The following LPP variants were observed in gnomAD, a reference collection of about 807,000 sequenced individuals.
LPP encodes LIM domain containing preferred translocation partner in lipoma, also known as lipoma-preferred partner.
A neutral mutation model predicts 60.4 loss-of-function variants in LPP; 38 were observed. That is an observed-to-expected ratio of 0.63 (90% CI 0.49 to 0.83). The LOEUF is 0.83. LPP is among the 40% of genes least tolerant of loss of function. The pLI is 0.00. For missense variants in LPP, 902 were observed against 783.6 expected, an observed-to-expected ratio of 1.15 and a Z score of -1.80; for synonymous variants, 328 against 290.8, an observed-to-expected ratio of 1.13 and a Z score of -1.30.
chr3:188,515,034 G>A (rs1190926663), intron 5 of LPP, among the ~76,000 whole-genome samples: 1 of 151,938 alleles, frequency 6.6e-6, no homozygotes, highest in Non-Finnish European at 1.5e-5. Flanking sequence ...TAAATTGTGA[G>A]GAAAAAAAAT....
intron 4 of LPP, among the ~76,000 whole-genome samples, chr3:188,468,245 A>G (rs976569634): frequency 9.2e-5 from 14 of 152,246 alleles, no homozygotes; most frequent in African/African-American, 2.6e-4. Flanking sequence ...CTTATCTGTA[A>G]TGTGAGTCTA....
At chr3:188,636,485 G>A (rs937473513) in intron 7 of LPP, among the ~76,000 whole-genome samples, 9 of 152,264 alleles carry the variant, frequency 5.9e-5, no homozygotes, top group Middle Eastern at 3.4e-3. Context: ...GGGGAGGGGC[G>A]CCCACCATTG....
chr3:188,388,333 T>G (rs188572044), intron 3 of LPP, among the ~76,000 whole-genome samples: 150 of 152,352 alleles, frequency 9.8e-4, no homozygotes, highest in Non-Finnish European at 1.7e-3. Flanking sequence ...CTCAGGTCAA[T>G]TATTCTTGAA....
intron 7 of LPP, among the ~76,000 whole-genome samples, chr3:188,643,172 C>T (rs1025636375): frequency 2.6e-5 from 4 of 152,166 alleles, no homozygotes; most frequent in African/African-American, 4.8e-5. Context: ...CTAGCCCAGA[C>T]ATTTTACAGA....
At chr3:188,667,346 T>C (rs1172192182) in intron 7 of LPP, among the ~76,000 whole-genome samples, 1 of 151,570 alleles carries the variant, frequency 6.6e-6, no homozygotes, top group South Asian at 2.1e-4. Flanking sequence ...GGCGTGGTGG[T>C]GGGCGCCTGT....
At chr3:188,304,944 T>C (rs554756543) in intron 2 of LPP, among the ~76,000 whole-genome samples, 1 of 152,312 alleles carries the variant, frequency 6.6e-6, no homozygotes, top group East Asian at 1.9e-4. Context: ...ATTACATATT[T>C]ATTTGGGCTG....
At chr3:188,722,425 C>A (rs1716799908) in intron 8 of LPP, among the ~76,000 whole-genome samples, 2 of 152,148 alleles carry the variant, frequency 1.3e-5, no homozygotes, top group Non-Finnish European at 1.5e-5. Context: ...ATGAATAATT[C>A]ATCTTTTGTC....
In LPP at chr3:188,679,327, G is replaced by GT. The variant is rs147279802; in HGVS notation, c.1114-28930dup. On this transcript the variant is annotated intron_variant, in intron 7 of 11. Transcript: ENST00000617246. Reference sequence around the variant, plus strand: ...TGAACATTCATGGAAAAGTTCACTTGTTTTTTTTTTATTTGTTTTTGTTTT... The same window carrying GT: ...TGAACATTCATGGAAAAGTTCACTTGTTTTTTTTTTTATTTGTTTTTGTTTT... 1.6e-3 allele frequency among the ~76,000 whole-genome samples: 232 copies of GT among 148,992 alleles called. 1 individual carries two copies. The highest frequency in any genetic ancestry group is 4.7e-3 in the African/African-American group (189 of 40,558).
At chr3:188,550,366 C>G (rs1827780093) in intron 6 of LPP, among the ~76,000 whole-genome samples, 1 of 151,906 alleles carries the variant, frequency 6.6e-6, no homozygotes, top group African/African-American at 2.4e-5. Context: ...ATCACAAGGT[C>G]AGGAGATCGA....
intron 2 of LPP, among the ~76,000 whole-genome samples, chr3:188,318,272 A>G (rs1755701514): frequency 6.6e-6 from 1 of 152,230 alleles, no homozygotes; most frequent in Admixed American, 6.5e-5. Flanking sequence ...CTGATAAGAA[A>G]GAGCTAACTT....
chr3:188,524,311 T>C (rs1819849858), intron 5 of LPP, among the ~76,000 whole-genome samples: 1 of 152,228 alleles, frequency 6.6e-6, no homozygotes, highest in African/African-American at 2.4e-5. Flanking sequence ...GGCAGTGGTG[T>C]CTAAACACCA....
chr3:188,240,330 G>C (rs539723865), intron 2 of LPP, among the ~76,000 whole-genome samples: 3 of 151,260 alleles, frequency 2.0e-5, no homozygotes, highest in South Asian at 2.1e-4. Context: ...AGAGTCAGGA[G>C]TTTTGGGTAA....
At chr3:188,265,064 G>A (rs1183970807) in intron 2 of LPP, among the ~76,000 whole-genome samples, 1 of 152,120 alleles carries the variant, frequency 6.6e-6, no homozygotes, top group Non-Finnish European at 1.5e-5. Context: ...CTCAAAGCAG[G>A]AGAGAAGCAT....
At chr3:188,843,734 C>T (rs1004514328) in intron 9 of LPP, among the ~76,000 whole-genome samples, 4 of 140,036 alleles carry the variant, frequency 2.9e-5, no homozygotes, top group Non-Finnish European at 6.1e-5. Context: ...TTGCAGGGAG[C>T]CGAGATCGCG....
intron 2 of LPP, among the ~76,000 whole-genome samples, chr3:188,336,903 C>G (rs948516085): frequency 1.3e-5 from 2 of 152,134 alleles, no homozygotes; most frequent in Non-Finnish European, 1.5e-5. Context: ...GCCACTTCAG[C>G]TCAGGCCTGG....
chr3:188,775,594 G>C (rs1737488143), intron 9 of LPP, among the ~76,000 whole-genome samples: 2 of 152,204 alleles, frequency 1.3e-5, no homozygotes, highest in Admixed American at 1.3e-4. Flanking sequence ...ATTGGCACAA[G>C]TGGCAGGAAG....
chr3:188,697,511 G>C (rs1863511888), intron 7 of LPP, among the ~76,000 whole-genome samples: 1 of 152,134 alleles, frequency 6.6e-6, no homozygotes, highest in Admixed American at 6.6e-5. Flanking sequence ...ATGCATATCA[G>C]ACTGAAAATC....
intron 1 of LPP, among the ~76,000 whole-genome samples, chr3:188,172,905 C>G (rs572692142): frequency 1.4e-4 from 21 of 152,258 alleles, no homozygotes; most frequent in Admixed American, 1.2e-3. Flanking sequence ...TGCTCTGTCC[C>G]CTAGGCTGGG....
chr3:188,837,041 A>G (rs1758619245), intron 9 of LPP, among the ~76,000 whole-genome samples: 1 of 152,182 alleles, frequency 6.6e-6, no homozygotes, highest in African/African-American at 2.4e-5. Flanking sequence ...TTTTTCATAA[A>G]TATGTAGCAT....
Sources: allele counts gnomAD v4.1 joint callset (sites outside exome capture counted in the v4.1 genomes callset), GRCh38; gene constraint gnomAD v4.1.1; transcripts MANE v1.5; gene names NCBI Gene and HGNC (gene_info 2026-07-23, HGNC 2026-07-21).